Variants in MAF observed in about 807,000 individuals in gnomAD.
MAF encodes the protein MAF bZIP transcription factor, also known as transcription factor Maf.
In MAF, 10 loss-of-function variants were observed where a neutral mutation model predicts 22.0. That is an observed-to-expected ratio of 0.45 (90% confidence interval 0.28 to 0.77). The LOEUF (loss-of-function observed/expected upper bound fraction) is 0.77. Ranked by LOEUF, MAF falls within the 30% of genes least tolerant of loss-of-function variation. The pLI is 0.12. For synonymous variants in MAF, 337 were observed against 255.8 expected (o/e 1.32, Z -3.03); for missense variants, 544 against 548.4 (o/e 0.99, Z 0.08).
the MAF span, among the ~76,000 whole-genome samples, chr16:79,546,624 G>A: frequency 1.3e-5 from 2 of 152,122 alleles, no homozygotes; most frequent in African/African-American, 2.4e-5. Flanking sequence ...GAAGAAGTTG[G>A]CTCTAAACTC....
At chr16:79,406,044 T>A in the MAF span, among the ~76,000 whole-genome samples, 1 of 152,226 alleles carries the variant, frequency 6.6e-6, no homozygotes, top group African/African-American at 2.4e-5. Context: ...CTGGGGTTGG[T>A]GTATAAATAC....
the MAF span, among the ~76,000 whole-genome samples, chr16:79,422,067 C>T: frequency 6.6e-6 from 1 of 152,130 alleles, no homozygotes; most frequent in East Asian, 1.9e-4. Flanking sequence ...TGTGAGCCAC[C>T]ACGCCCAGCC....
At chr16:79,556,328 C>T in the MAF span, among the ~76,000 whole-genome samples, 1 of 152,206 alleles carries the variant, frequency 6.6e-6, no homozygotes, top group East Asian at 1.9e-4. Context: ...TCCTACCCAG[C>T]TTTTACCACT....
chr16:79,447,905 A>AAAAAAAAAAAAAAAAAAAAAAAAAAAAG, the MAF span, among the ~76,000 whole-genome samples: 3 of 85,804 alleles, frequency 3.5e-5, no homozygotes, highest in East Asian at 4.7e-4. Flanking sequence ...AAAAAAAAAA[A>AAAAAAAAAAAAAAAAAAAAAAAAAAAAG]AAAAGAAAAG....
At chr16:79,341,206 C>T in the MAF span, among the ~76,000 whole-genome samples, 2 of 152,172 alleles carry the variant, frequency 1.3e-5, no homozygotes, top group African/African-American at 4.8e-5. Context: ...TTATTTTAAG[C>T]ACAAGAAGGA....
the MAF span, among the ~76,000 whole-genome samples, chr16:79,469,671 A>C: frequency 2.6e-4 from 40 of 152,002 alleles, no homozygotes; most frequent in Non-Finnish European, 5.1e-4. Context: ...ATCTCAGCTC[A>C]CTGCAACCTC....
the MAF span, among the ~76,000 whole-genome samples, chr16:79,280,368 T>C: frequency 6.6e-6 from 1 of 152,224 alleles, no homozygotes; most frequent in Admixed American, 6.5e-5. Flanking sequence ...CAAATCCAAC[T>C]AAGAAACTAT....
chr16:79,316,253 G>A, the MAF span, among the ~76,000 whole-genome samples: 1 of 152,188 alleles, frequency 6.6e-6, no homozygotes, highest in Non-Finnish European at 1.5e-5. Flanking sequence ...GACCAAAACA[G>A]GGAAGATTGT....
downstream of MAF, among the ~76,000 whole-genome samples, chr16:79,589,053 G>A (rs1442370375): frequency 6.6e-6 from 1 of 152,142 alleles, no homozygotes; most frequent in Non-Finnish European, 1.5e-5. Context: ...ATCTATCTGT[G>A]CATGAATAAA....
chr16:79,240,184 G>A, the MAF span, among the ~76,000 whole-genome samples: 3,402 of 151,558 alleles, frequency 0.022, 62 homozygotes, highest in Middle Eastern at 0.075. Flanking sequence ...AATTAACTTG[G>A]GGATACTGGA....
chr16:79,398,391 T>A, the MAF span, among the ~76,000 whole-genome samples: 1 of 152,232 alleles, frequency 6.6e-6, no homozygotes, highest in Non-Finnish European at 1.5e-5. Context: ...TAACAGAGCA[T>A]ATCCCCATTC....
chr16:79,460,184 C>T, the MAF span, among the ~76,000 whole-genome samples: 5 of 151,944 alleles, frequency 3.3e-5, no homozygotes, highest in Admixed American at 6.6e-5. Flanking sequence ...TGTTTATATG[C>T]CTTTTACCAT....
At chr16:79,467,008 C>T in the MAF span, among the ~76,000 whole-genome samples, 3 of 152,168 alleles carry the variant, frequency 2.0e-5, no homozygotes, top group Non-Finnish European at 4.4e-5. Flanking sequence ...TCACTCCTGG[C>T]CGCCTCCAAG....
At chr16:79,344,060 G>T in the MAF span, among the ~76,000 whole-genome samples, 2 of 152,228 alleles carry the variant, frequency 1.3e-5, no homozygotes, top group African/African-American at 4.8e-5. Flanking sequence ...CTGTGAGCAT[G>T]ACCTTGAGGA....
chr16:79,211,931 A>T, the MAF span: 7 of 1,538,580 alleles, frequency 4.5e-6, no homozygotes, highest in African/African-American at 1.4e-5. Context: ...CAGTCACAAC[A>T]GAGTGAAAAA....
At chr16:79,332,457 T>C in the MAF span, among the ~76,000 whole-genome samples, 1 of 152,154 alleles carries the variant, frequency 6.6e-6, no homozygotes, top group Non-Finnish European at 1.5e-5. Flanking sequence ...TGCACCACCA[T>C]GCACAGCTAA....
chr16:79,305,645 T>G, the MAF span, among the ~76,000 whole-genome samples: 1 of 152,110 alleles, frequency 6.6e-6, no homozygotes, highest in Non-Finnish European at 1.5e-5. Flanking sequence ...TGGATACAAT[T>G]TGGGGGTCTG....
chr16:79,223,638 G>A, the MAF span, among the ~76,000 whole-genome samples: 2 of 152,058 alleles, frequency 1.3e-5, no homozygotes, highest in African/African-American at 4.8e-5. Context: ...AGAAAAGAGG[G>A]AAGAATTAAA....
chr16:79,297,854 G>T, the MAF span, among the ~76,000 whole-genome samples: 1 of 152,170 alleles, frequency 6.6e-6, no homozygotes, highest in African/African-American at 2.4e-5. Flanking sequence ...TTGTTCTGTA[G>T]AGCAGGGCGC....
Sources: allele counts gnomAD v4.1 joint callset (sites outside exome capture counted in the v4.1 genomes callset), GRCh38; gene constraint gnomAD v4.1.1; transcripts MANE v1.5; gene names NCBI Gene and HGNC (gene_info 2026-07-23, HGNC 2026-07-21).